The following WDR27 variants were observed in gnomAD, a reference collection of about 807,000 sequenced individuals.
WDR27 encodes the protein WD repeat domain 27.
In WDR27, 100 loss-of-function variants were observed where a neutral mutation model predicts 114.4. That is an observed-to-expected ratio of 0.87 (90% CI 0.74 to 1.03). The LOEUF (loss-of-function observed/expected upper bound fraction) is 1.03. Among genes scored for constraint, WDR27 ranks in the 50% least tolerant of loss-of-function variants. WDR27 has a pLI of 0.00. For missense variants in WDR27, 1,129 were observed against 1,092.9 expected, an observed-to-expected ratio of 1.03 and a Z score of -0.47; for synonymous variants, 449 against 423.1, an observed-to-expected ratio of 1.06 and a Z score of -0.75.
intron 25 of WDR27, among the ~76,000 whole-genome samples, chr6:169,500,271 C>T (rs1337369766): frequency 6.6e-6 from 1 of 152,096 alleles, no homozygotes; most frequent in African/African-American, 2.4e-5. Context: ...AATGATGGTG[C>T]GTTTTATAGC....
chr6:169,454,490 G>A (rs1182232276), downstream of WDR27, among the ~76,000 whole-genome samples: 5 of 152,090 alleles, frequency 3.3e-5, no homozygotes, highest in South Asian at 2.1e-4. Flanking sequence ...ACACCCAGGC[G>A]TCCTCCTTCA....
At chr6:169,680,788 C>T (rs1781321572) in intron 2 of WDR27, among the ~76,000 whole-genome samples, 1 of 152,118 alleles carries the variant, frequency 6.6e-6, no homozygotes, top group African/African-American at 2.4e-5. Context: ...AAGAAGATTT[C>T]AGAGCAAGAA....
intron 2 of WDR27, among the ~76,000 whole-genome samples, chr6:169,676,779 G>A (rs1780180624): frequency 6.6e-6 from 1 of 152,110 alleles, no homozygotes; most frequent in African/African-American, 2.4e-5. Flanking sequence ...TGACCTGGAA[G>A]CCCCCACTTT....
In WDR27 at chr6:169,582,888, G is replaced by C; in HGVS notation, c.2471C>G (p.Ala824Gly). 1 of 1,613,916 alleles carries C rather than the reference G, an allele frequency of 6.2e-7. No individual in the cohort carries two copies. The highest frequency in any genetic ancestry group is 1.1e-5 in the South Asian group (1 of 91,044). Residue 824 changes from alanine (A) to glycine (G), a missense_variant, in exon 24 of 26, where the codon GCT (alanine) becomes GGT (glycine). By Grantham distance (60) the Ala-to-Gly change is moderately conservative (BLOSUM62 0). Transcript: ENST00000448612. Reference protein sequence around the residue: ...MGSSTFSHRLAGHTDTVTGVA... With the variant: ...MGSSTFSHRLGGHTDTVTGVA... ...TCCAGTGACAGTGTCTGTGTGCCCA[G>C]CCAGCCGGTGAGAAAACGTGCTTGA...
intron 24 of WDR27, among the ~76,000 whole-genome samples, chr6:169,577,787 G>A (rs1037640003): frequency 1.3e-5 from 2 of 152,166 alleles, no homozygotes; most frequent in African/African-American, 4.8e-5. Flanking sequence ...TAAACCATTT[G>A]CGTTTCTGCC....
downstream of WDR27, chr6:169,457,162 T>C: frequency 5.6e-6 from 1 of 178,038 alleles, no homozygotes. Flanking sequence ...GAACCCACGC[T>C]CACCATGCAG....
intron 24 of WDR27, among the ~76,000 whole-genome samples, chr6:169,576,500 C>T (rs1802358008): frequency 6.6e-6 from 1 of 152,116 alleles, no homozygotes; most frequent in South Asian, 2.1e-4. Flanking sequence ...GGCATATAGA[C>T]CTGTAGTCCC....
intron 24 of WDR27, among the ~76,000 whole-genome samples, chr6:169,581,255 G>A (rs1803369353): frequency 6.6e-6 from 1 of 152,042 alleles, no homozygotes; most frequent in African/African-American, 2.4e-5. Context: ...AAGACATTTT[G>A]ATGCCAAATA....
At chr6:169,657,905 A>T in intron 13 of WDR27, 1 of 192,784 alleles carries the variant, frequency 5.2e-6, no homozygotes, top group East Asian at 1.1e-4. Flanking sequence ...GTACAATCAC[A>T]CGCTCGGGAT....
intron 25 of WDR27, among the ~76,000 whole-genome samples, chr6:169,539,703 T>A (rs1162587455): frequency 6.6e-6 from 1 of 152,108 alleles, no homozygotes; most frequent in Non-Finnish European, 1.5e-5. Flanking sequence ...AACCAGTTTG[T>A]GTCCTGTCCA....
At chr6:169,697,492 C>T (rs959145148) in intron 1 of WDR27, among the ~76,000 whole-genome samples, 4 of 152,176 alleles carry the variant, frequency 2.6e-5, no homozygotes, top group Admixed American at 6.5e-5. Flanking sequence ...GTGGAGGGCC[C>T]GACATCAGTC....
intron 25 of WDR27, among the ~76,000 whole-genome samples, chr6:169,557,052 G>T (rs9371117): frequency 0.099 from 15,089 of 152,120 alleles, 1,815 homozygotes; most frequent in East Asian, 0.58. Flanking sequence ...CGTGTCTCTC[G>T]CAAGAGAAAC....
chr6:169,699,604 G>C (rs1029957127), intron 1 of WDR27, among the ~76,000 whole-genome samples: 8 of 152,270 alleles, frequency 5.3e-5, no homozygotes, highest in African/African-American at 1.9e-4. Flanking sequence ...CCAGGAGTGA[G>C]CTATGGCAGC....
At chr6:169,451,694 T>C in the WDR27 span, among the ~76,000 whole-genome samples, 2 of 152,246 alleles carry the variant, frequency 1.3e-5, no homozygotes, top group Non-Finnish European at 2.9e-5. Flanking sequence ...TTTGGTATTG[T>C]CAATATGTTT....
intron 21 of WDR27, among the ~76,000 whole-genome samples, chr6:169,626,208 C>A (rs563824946): frequency 3.3e-5 from 5 of 152,126 alleles, no homozygotes; most frequent in Non-Finnish European, 7.4e-5. Context: ...CAACTGCAGG[C>A]CATAGGTGGG....
chr6:169,445,075 C>G, the WDR27 span, among the ~76,000 whole-genome samples: 1 of 152,184 alleles, frequency 6.6e-6, no homozygotes, highest in African/African-American at 2.4e-5. Flanking sequence ...CAAATACAAA[C>G]AATAACGATG....
At chr6:169,636,583 C>A in intron 18 of WDR27, 79 bp from the exon 19 acceptor site, 1 of 1,380,538 alleles carries the variant, frequency 7.2e-7, no homozygotes, top group South Asian at 1.5e-5. Flanking sequence ...AAAATTATTT[C>A]TTCTTAAAAC....
At chr6:169,496,363 A>G (rs1334703434) in intron 25 of WDR27, among the ~76,000 whole-genome samples, 2 of 152,168 alleles carry the variant, frequency 1.3e-5, no homozygotes, top group African/African-American at 4.8e-5. Flanking sequence ...TGAAAGACTG[A>G]GAGCTTTTCC....
chr6:169,590,739 G>T (rs1401525401), intron 23 of WDR27, among the ~76,000 whole-genome samples: 2 of 152,242 alleles, frequency 1.3e-5, no homozygotes, highest in Admixed American at 6.5e-5. Flanking sequence ...CTCTTGTAAA[G>T]ACGTAGCAGA....
Sources: gnomAD v4.1 joint callset for allele counts (sites outside exome capture counted in the v4.1 genomes callset) on GRCh38, gnomAD v4.1.1 for gene constraint, MANE v1.5 for transcripts, NCBI Gene and HGNC (gene_info 2026-07-23, HGNC 2026-07-21) for gene names.